Variants in CADM2 observed in about 807,000 individuals in gnomAD.
The protein encoded by CADM2 is immunoglobulin superfamily member 4D.
In CADM2, 12 loss-of-function variants were observed where a neutral mutation model predicts 49.8. The observed-to-expected ratio is 0.24, with a 90% CI of 0.15 to 0.39. The LOEUF (loss-of-function observed/expected upper bound fraction) is 0.39. Ranked by LOEUF, CADM2 falls within the 10% of genes least tolerant of loss-of-function variation. The pLI is 1.00. For synonymous variants in CADM2, 214 were observed against 175.4 expected, an observed-to-expected ratio of 1.22 and a Z score of -1.74; for missense variants, 378 against 492.3, an observed-to-expected ratio of 0.77 and a Z score of 2.20.
chr3:85,663,864 G>T (rs1454195956), intron 1 of CADM2, among the ~76,000 whole-genome samples: 1 of 151,898 alleles, frequency 6.6e-6, no homozygotes, highest in Non-Finnish European at 1.5e-5. Flanking sequence ...TTTTATTCTT[G>T]TGCCTCCTTG....
intron 1 of CADM2, among the ~76,000 whole-genome samples, chr3:85,717,435 G>T (rs2067335007): frequency 6.6e-6 from 1 of 152,140 alleles, no homozygotes; most frequent in Non-Finnish European, 1.5e-5. Flanking sequence ...AATGTTATCT[G>T]CAAACAGGTA....
intron 1 of CADM2, among the ~76,000 whole-genome samples, chr3:85,445,890 C>T (rs901803615): frequency 6.6e-6 from 1 of 152,044 alleles, no homozygotes; most frequent in Non-Finnish European, 1.5e-5. Context: ...CTGTTACATG[C>T]AATATACTAC....
At chr3:85,611,972 TTCA>T (rs2107454101) in intron 1 of CADM2, among the ~76,000 whole-genome samples, 1 of 151,852 alleles carries the variant, frequency 6.6e-6, no homozygotes, top group Admixed American at 6.6e-5. Flanking sequence ...AGAAATAGGT[TTCA>T]TTCCTAGTCA....
chr3:85,729,156 A>G (rs963718447), intron 2 of CADM2, among the ~76,000 whole-genome samples: 2 of 152,118 alleles, frequency 1.3e-5, no homozygotes, highest in Non-Finnish European at 2.9e-5. Flanking sequence ...TTTTGAATTT[A>G]CATTTCCTTT....
At chr3:85,484,535 T>C (rs2039340708) in intron 1 of CADM2, among the ~76,000 whole-genome samples, 1 of 151,912 alleles carries the variant, frequency 6.6e-6, no homozygotes, top group African/African-American at 2.4e-5. Context: ...GCTACATCCA[T>C]ACTAACAAAG....
intron 1 of CADM2, among the ~76,000 whole-genome samples, chr3:85,008,964 A>T (rs1406339587): frequency 1.3e-5 from 2 of 152,174 alleles, no homozygotes; most frequent in Non-Finnish European, 2.9e-5. Flanking sequence ...ATCAGGGAAA[A>T]GTGAATATAA....
chr3:85,201,603 T>A (rs1336379144), intron 1 of CADM2, among the ~76,000 whole-genome samples: 1 of 152,174 alleles, frequency 6.6e-6, no homozygotes, highest in African/African-American at 2.4e-5. Context: ...TGATGTTTGA[T>A]AGCATTTTAC....
intron 6 of CADM2, among the ~76,000 whole-genome samples, chr3:85,930,695 G>A (rs1479193850): frequency 6.6e-6 from 1 of 151,892 alleles, no homozygotes; most frequent in African/African-American, 2.4e-5. Flanking sequence ...ACAAATAAAT[G>A]AGAACATGTG....
At chr3:85,251,320 A>C (rs1388539191) in intron 1 of CADM2, among the ~76,000 whole-genome samples, 2 of 151,880 alleles carry the variant, frequency 1.3e-5, no homozygotes, top group Non-Finnish European at 2.9e-5. Flanking sequence ...CACCCAAATT[A>C]TTATGACATA....
At chr3:85,928,205 C>T (rs1720136011) in intron 6 of CADM2, among the ~76,000 whole-genome samples, 1 of 144,516 alleles carries the variant, frequency 6.9e-6, no homozygotes, top group Admixed American at 7.1e-5. Context: ...TGTTGCCAGG[C>T]TGGAGTGCAA....
At chr3:85,961,776 G>GATATTTAATTATGAGATATT (rs1724847834) in intron 8 of CADM2, 129 bp downstream of exon 8, 7 of 456,158 alleles carry the variant, frequency 1.5e-5, no homozygotes, top group Non-Finnish European at 2.6e-5. Context: ...CATCTTATGA[G>GATATTTAATTATGAGATATT]ATATTTAATT....
intron 1 of CADM2, among the ~76,000 whole-genome samples, chr3:85,374,951 A>G (rs577520000): frequency 1.3e-5 from 2 of 152,244 alleles, no homozygotes; most frequent in East Asian, 3.9e-4. Flanking sequence ...TTTCTACTTC[A>G]TTACTTTCTA....
In CADM2 at chr3:85,211,521, C is replaced by A. The variant is rs2041778865; in HGVS notation, c.61+251853C>A. Among the ~76,000 whole-genome samples the A allele has an allele frequency of 3.3e-5, 5 of 152,048 alleles. No individual in the cohort carries two copies. The South Asian group carries it at 1.0e-3, about 32-fold the overall frequency. On this transcript the variant is annotated intron_variant, in intron 1 of 9. Transcript: ENST00000383699. ...ATTTGTTCAAGAAATCTTAAATTTTCTTCTTAATTTCTTCATTAGCCTTCT... is the reference window on the plus strand; with the variant it reads ...ATTTGTTCAAGAAATCTTAAATTTTATTCTTAATTTCTTCATTAGCCTTCT...
At chr3:85,395,263 A>G (rs1419356468) in intron 1 of CADM2, among the ~76,000 whole-genome samples, 1 of 140,490 alleles carries the variant, frequency 7.1e-6, no homozygotes, top group East Asian at 2.1e-4. Flanking sequence ...ATGCCACTGC[A>G]CTTCAGCCTG....
At chr3:85,177,939 G>A (rs1297245238) in intron 1 of CADM2, among the ~76,000 whole-genome samples, 1 of 151,858 alleles carries the variant, frequency 6.6e-6, no homozygotes, top group Non-Finnish European at 1.5e-5. Context: ...ATTGAATTTA[G>A]TACAATTGTA....
chr3:85,929,566 G>A (rs986850995), intron 6 of CADM2, among the ~76,000 whole-genome samples: 4 of 151,062 alleles, frequency 2.6e-5, no homozygotes, highest in Admixed American at 6.6e-5. Context: ...TTAGAAAACC[G>A]TTTACATGTA....
intron 5 of CADM2, among the ~76,000 whole-genome samples, chr3:85,899,255 C>A (rs757649668): frequency 2.0e-5 from 3 of 151,768 alleles, no homozygotes; most frequent in African/African-American, 7.3e-5. Flanking sequence ...TGTGAGCCAC[C>A]GCACTCAGCA....
At chr3:85,790,469 A>T (rs2071258699) in intron 2 of CADM2, among the ~76,000 whole-genome samples, 1 of 152,206 alleles carries the variant, frequency 6.6e-6, no homozygotes, top group South Asian at 2.1e-4. Flanking sequence ...ACATTCTGGA[A>T]AAAAGAGAGG....
intron 2 of CADM2, among the ~76,000 whole-genome samples, chr3:85,733,745 T>C (rs897893516): frequency 8.5e-5 from 13 of 152,176 alleles, no homozygotes; most frequent in Non-Finnish European, 1.9e-4. Flanking sequence ...TGTATCCTCA[T>C]TTCTACAATA....
Sources: gnomAD v4.1 joint callset for allele counts (sites outside exome capture counted in the v4.1 genomes callset) on GRCh38, gnomAD v4.1.1 for gene constraint, MANE v1.5 for transcripts, NCBI Gene and HGNC (gene_info 2026-07-23, HGNC 2026-07-21) for gene names.